PUS7: variants seen among roughly 807,000 people sequenced by gnomAD.
The protein encoded by PUS7 is pseudouridine synthase 7.
In PUS7, 48 loss-of-function variants were observed where a neutral mutation model predicts 79.8. That is an observed-to-expected ratio of 0.60 (90% confidence interval 0.48 to 0.76). The LOEUF is 0.76. Ranked by LOEUF, PUS7 falls within the 30% of genes least tolerant of loss-of-function variation. The pLI is 0.00. For synonymous variants in PUS7, 286 were observed against 272.2 expected (o/e 1.05, Z -0.50); for missense variants, 729 against 797.6 (o/e 0.91, Z 1.04).
intron 9 of PUS7, among the ~76,000 whole-genome samples, chr7:105,472,968 G>A (rs2133086985): frequency 7.1e-6 from 1 of 140,748 alleles, no homozygotes; most frequent in East Asian, 2.1e-4. Flanking sequence ...TCACCATATT[G>A]GTCAGGCTGG....
At chr7:105,517,162 A>AATTCTTTTTTTTTTTTT (rs1825926499) in intron 1 of PUS7, among the ~76,000 whole-genome samples, 1 of 130,110 alleles carries the variant, frequency 7.7e-6, no homozygotes. Flanking sequence ...AATCCTTCAC[A>AATTCTTTTTTTTTTTTT]TTTCTTTTTT....
At chr7:105,510,311 A>G (rs1025687068) in intron 1 of PUS7, among the ~76,000 whole-genome samples, 2 of 152,064 alleles carry the variant, frequency 1.3e-5, no homozygotes, top group African/African-American at 4.8e-5. Context: ...CAAAAAAAAA[A>G]TAAATAAATA....
chr7:105,489,147 CAAAAAAAAAA>C (rs762504334), intron 7 of PUS7, among the ~76,000 whole-genome samples: 5 of 33,710 alleles, frequency 1.5e-4, no homozygotes, highest in South Asian at 1.3e-3. Flanking sequence ...AACTCCATCT[CAAAAAAAAAA>C]AAAAAAAAAA....
Position 105,509,184 on chromosome 7 carries a change from C to CAAAAAAAAAAAAAAAAAA in PUS7, c.-32-658_-32-641dup. Among the ~76,000 whole-genome samples the CAAAAAAAAAAAAAAAAAA allele has an allele frequency of 7.5e-4, 42 of 55,706 alleles. 1 individual carries two copies. The highest frequency in any genetic ancestry group is 3.8e-3 in the East Asian group (6 of 1,598). 36.5% of individuals were successfully genotyped at this position (55,706 alleles called of 152,430 possible). On this transcript the variant is annotated intron_variant, in intron 1 of 15. Coordinates refer to ENST00000469408, the MANE Select transcript of PUS7 (RefSeq NM_019042.5). ...GGGGGACCAGAGCAAGACTCCATCT[C>CAAAAAAAAAAAAAAAAAA]AAAAAAAAAAAAAAAAAAAAAAAAA...
At chr7:105,469,836 G>A (rs1823803014) in intron 11 of PUS7, among the ~76,000 whole-genome samples, 1 of 151,930 alleles carries the variant, frequency 6.6e-6, no homozygotes, top group Non-Finnish European at 1.5e-5. Flanking sequence ...CAAGTGATCT[G>A]CCCACCTTGG....
At chr7:105,465,193 C>T in intron 13 of PUS7, 120 bp downstream of exon 13, 7 of 554,752 alleles carry the variant, frequency 1.3e-5, no homozygotes, top group Middle Eastern at 4.6e-4. Context: ...TTAAATTTTC[C>T]ATGTGAATGC....
intron 1 of PUS7, among the ~76,000 whole-genome samples, chr7:105,509,945 A>G (rs1399403083): frequency 6.6e-6 from 1 of 152,172 alleles, no homozygotes; most frequent in Non-Finnish European, 1.5e-5. Context: ...TTCTCACTCA[A>G]TAACATGGTT....
chr7:105,503,464 T>C (rs929925327), intron 4 of PUS7, among the ~76,000 whole-genome samples: 2 of 152,190 alleles, frequency 1.3e-5, no homozygotes, highest in Admixed American at 6.6e-5. Context: ...ACTAGTTACA[T>C]GATATTTTCA....
chr7:105,511,308 C>T (rs1056365028), intron 1 of PUS7, among the ~76,000 whole-genome samples: 16 of 151,252 alleles, frequency 1.1e-4, no homozygotes, highest in African/African-American at 3.4e-4. Context: ...GCTGAGATTA[C>T]AGGCGTGAGC....
intron 1 of PUS7, among the ~76,000 whole-genome samples, chr7:105,516,751 G>A (rs545399245): frequency 1.4e-4 from 21 of 152,128 alleles, no homozygotes; most frequent in African/African-American, 3.9e-4. Context: ...CAGTGCGCCC[G>A]GACTGGAATA....
At chr7:105,518,976 T>C (rs1826000274) in intron 1 of PUS7, among the ~76,000 whole-genome samples, 1 of 151,964 alleles carries the variant, frequency 6.6e-6, no homozygotes, top group Non-Finnish European at 1.5e-5. Context: ...CACCGTGTTA[T>C]CCAAGATTGT....
chr7:105,465,506 G>A (rs1425047276), intron 12 of PUS7, 92 bp from the exon 13 acceptor site: 1 of 954,470 alleles, frequency 1.0e-6, no homozygotes, highest in Admixed American at 2.2e-5. Context: ...AAGCAAGTCA[G>A]AAGTACAAGT....
At position 105,491,635 on chromosome 7, in the gene PUS7, A is replaced by C. The variant is rs1824784500; in HGVS notation, c.843-18T>G. On this transcript the variant is annotated intron_variant, in intron 6 of 15. Coordinates refer to ENST00000469408, the MANE Select transcript of PUS7 (RefSeq NM_019042.5). ...GCTTGACTCTGGTAAGAGAGAAACA[A>C]GATCATCTGAAGTCACATACTGTAA... 1 of 1,433,328 alleles carries C rather than the reference A, an allele frequency of 7.0e-7. No individual in the cohort carries two copies. Among genetic ancestry groups the C allele is most frequent in the African/African-American group, 1.4e-5 (1 of 70,768 alleles). 88.8% of individuals were successfully genotyped at this position (1,433,328 alleles called of 1,614,324 possible).
In PUS7 at chr7:105,456,956, C is replaced by T. The variant is rs1279219328; in HGVS notation, c.*834G>A. Reference sequence around the variant, plus strand: ...TTAGCCTCGGCAACATGGCCAAACCCCCGTCTCTACAAAAAAATACAAAAA... The same window carrying T: ...TTAGCCTCGGCAACATGGCCAAACCTCCGTCTCTACAAAAAAATACAAAAA... On this transcript the variant is annotated 3_prime_UTR_variant, in exon 16 of 16. Transcript: ENST00000469408. 1 of 152,082 alleles carries T rather than the reference C, an allele frequency of 6.6e-6. No homozygotes were observed. Among genetic ancestry groups the T allele is most frequent in the Non-Finnish European group, 1.5e-5 (1 of 68,058 alleles). The allele number at this position is 152,082 out of a possible 1,614,324, so 9.4% of individuals were successfully genotyped here. A position where few individuals can be genotyped will look rare whatever the true frequency, so the allele number is the denominator to read the frequency against.
intron 4 of PUS7, among the ~76,000 whole-genome samples, chr7:105,502,843 G>A (rs1825310563): frequency 6.6e-6 from 1 of 152,158 alleles, no homozygotes; most frequent in Middle Eastern, 3.2e-3. Flanking sequence ...GGGATTACAG[G>A]CTCACAACAC....
At chr7:105,518,134 G>A (rs1392784405) in intron 1 of PUS7, among the ~76,000 whole-genome samples, 1 of 150,806 alleles carries the variant, frequency 6.6e-6, no homozygotes, top group Non-Finnish European at 1.5e-5. Flanking sequence ...GGTGACAGAG[G>A]GAGACTCTGT....
intron 13 of PUS7, among the ~76,000 whole-genome samples, chr7:105,464,066 C>T (rs1823541334): frequency 6.6e-6 from 1 of 152,168 alleles, no homozygotes; most frequent in Non-Finnish European, 1.5e-5. Context: ...AAATATCACC[C>T]ATCCAGTCTA....
intron 7 of PUS7, among the ~76,000 whole-genome samples, chr7:105,488,245 C>T (rs1008316054): frequency 2.6e-5 from 4 of 152,052 alleles, no homozygotes; most frequent in African/African-American, 4.8e-5. Flanking sequence ...CATCAGAAAA[C>T]GCAAAATAAA....
intron 7 of PUS7, among the ~76,000 whole-genome samples, chr7:105,489,390 G>C (rs1824694783): frequency 6.6e-6 from 1 of 151,924 alleles, no homozygotes; most frequent in African/African-American, 2.4e-5. Context: ...TTTCTGGGGA[G>C]TCCCTGGTCC....
Sources: gnomAD v4.1 joint callset for allele counts (sites outside exome capture counted in the v4.1 genomes callset) on GRCh38, gnomAD v4.1.1 for gene constraint, MANE v1.5 for transcripts, NCBI Gene and HGNC (gene_info 2026-07-23, HGNC 2026-07-21) for gene names.